Variants in HEATR5B observed in about 807,000 individuals in gnomAD.
The protein encoded by HEATR5B is HEAT repeat containing 5B, also known as HEAT repeat-containing protein 5B.
In HEATR5B, 156 loss-of-function variants were observed where a neutral mutation model predicts 224.1. That is an observed-to-expected ratio of 0.70 (90% CI 0.61 to 0.80). The LOEUF is 0.80. Among genes scored for constraint, HEATR5B ranks in the 30% least tolerant of loss-of-function variants. The pLI is 0.00. For missense variants in HEATR5B, 2,323 were observed against 2,535.5 expected, an observed-to-expected ratio of 0.92 and a Z score of 1.80; for synonymous variants, 1,027 against 893.0, an observed-to-expected ratio of 1.15 and a Z score of -2.68.
chr2:36,989,110 G>A (rs1005934818), intron 34 of HEATR5B, among the ~76,000 whole-genome samples: 1 of 151,734 alleles, frequency 6.6e-6, no homozygotes, highest in African/African-American at 2.4e-5. Context: ...TTTTTGAGAT[G>A]GAGTCTCGCT....
intron 33 of HEATR5B, among the ~76,000 whole-genome samples, chr2:36,998,264 G>T (rs889600787): frequency 6.6e-6 from 1 of 152,116 alleles, no homozygotes; most frequent in Non-Finnish European, 1.5e-5. Context: ...ACACAAAAAT[G>T]TAAGCATTTC....
chr2:37,005,793 C>A (rs1346584002), intron 29 of HEATR5B, 34 bp from the exon 30 acceptor site: 12 of 1,501,934 alleles, frequency 8.0e-6, no homozygotes, highest in African/African-American at 2.8e-5. Context: ...TGTTTTTTCA[C>A]TTATAAAACA....
At chr2:37,026,508 T>C (rs777337938) in intron 24 of HEATR5B, among the ~76,000 whole-genome samples, 1 of 152,174 alleles carries the variant, frequency 6.6e-6, no homozygotes, top group African/African-American at 2.4e-5. Flanking sequence ...TTATAGGAAA[T>C]GAATACCATG....
Position 37,061,947 on chromosome 2 carries a change from A to G in HEATR5B, c.1688T>C (p.Met563Thr), listed in dbSNP as rs147152129. 9 of 1,606,218 alleles carry G rather than the reference A, an allele frequency of 5.6e-6. No individual in the cohort carries two copies. The highest frequency in any genetic ancestry group is 4.0e-5 in the African/African-American group (3 of 74,752). Reference protein sequence around the residue: ...QAGWLLLGALMTLGPSVVRYH... With the variant: ...QAGWLLLGALTTLGPSVVRYH... Reference sequence around the variant, plus strand: ...CTCAAATATAATTATACCTAAAGTCATAAGTGCTCCAAGTAAAAGCCAGCC... The same window carrying G: ...CTCAAATATAATTATACCTAAAGTCGTAAGTGCTCCAAGTAAAAGCCAGCC... The change falls in exon 11 of 36, where the codon ATG becomes ACG. Residue 563 changes from methionine to threonine, a missense_variant. Met to Thr is a moderately conservative substitution (Grantham distance 81). Coordinates refer to ENST00000233099, the MANE Select transcript of HEATR5B (RefSeq NM_019024.3).
At position 37,007,299 on chromosome 2, in the gene HEATR5B, C is replaced by G. The variant is rs753228190; in HGVS notation, c.4528G>C (p.Ala1510Pro). 6.2e-7 allele frequency: 1 copy of G among 1,610,944 alleles called. No individual in the cohort carries two copies. Among genetic ancestry groups the G allele is most frequent in the Non-Finnish European group, 8.5e-7 (1 of 1,178,738 alleles). ...TCAATAGTTTCAGGGGTATAAAATG[C>G]TCCACCTGTAAAGCAATCAAATCAA... ...FSSQLPPDGG[A>P]FYTPETIDTA... The change falls in exon 29 of 36, where the codon GCA becomes CCA. Residue 1510 changes from alanine to proline, a missense_variant. Around this residue, in one of 12 missense-constraint regions of HEATR5B, gnomAD observed 844 missense variants for 812.9 expected, o/e 1.04. Transcript: ENST00000233099.
intron 34 of HEATR5B, among the ~76,000 whole-genome samples, chr2:36,989,237 C>T (rs1291504422): frequency 2.0e-5 from 3 of 152,140 alleles, no homozygotes; most frequent in Non-Finnish European, 4.4e-5. Flanking sequence ...AGGTGCGCAC[C>T]ACCACACCCA....
intron 33 of HEATR5B, among the ~76,000 whole-genome samples, 188 bp from the exon 34 acceptor site, chr2:36,990,987 G>A (rs1666289180): frequency 6.6e-6 from 1 of 152,016 alleles, no homozygotes; most frequent in Non-Finnish European, 1.5e-5. Context: ...ACTGTGCCTG[G>A]CCAGAATTTT....
chr2:37,014,763 G>A (rs1341304452), intron 26 of HEATR5B, among the ~76,000 whole-genome samples: 1 of 150,710 alleles, frequency 6.6e-6, no homozygotes, highest in Non-Finnish European at 1.5e-5. Context: ...CGGATCACGA[G>A]GTCAGGAGAT....
chr2:36,981,321 C>A lies in HEATR5B; in HGVS notation c.*169G>T. 8.7e-6 allele frequency: 4 copies of A among 457,938 alleles called. No homozygotes were observed. The highest frequency in any genetic ancestry group is 1.5e-5 in the Non-Finnish European group (4 of 264,328). 28.4% of individuals were successfully genotyped at this position (457,938 alleles called of 1,614,324 possible). ...CACCACATGATAAAAAAAATCACTC[C>A]TTAAAAATCAATAAGTGGTGTGAGC... On this transcript the variant is annotated 3_prime_UTR_variant, in exon 36 of 36. Transcript: ENST00000233099.
intron 31 of HEATR5B, among the ~76,000 whole-genome samples, 173 bp from the exon 32 acceptor site, chr2:37,002,745 C>A (rs983875565): frequency 2.0e-5 from 3 of 152,098 alleles, no homozygotes; most frequent in African/African-American, 7.2e-5. Context: ...TTGATCTGTC[C>A]TTAAAGGTAA....
At chr2:37,025,271 A>G (rs1668697556) in intron 24 of HEATR5B, among the ~76,000 whole-genome samples, 1 of 152,178 alleles carries the variant, frequency 6.6e-6, no homozygotes, top group African/African-American at 2.4e-5. Context: ...TGGGAAATAC[A>G]TGAACAACAG....
intron 5 of HEATR5B, 97 bp downstream of exon 5, chr2:37,075,388 C>A: frequency 3.3e-6 from 3 of 913,446 alleles, no homozygotes; most frequent in South Asian, 2.2e-5. Context: ...CATTGGAACA[C>A]AAAACATAAT....
At chr2:37,028,979 C>T (rs1389903976) in intron 22 of HEATR5B, 59 bp from the exon 23 acceptor site, 12 of 1,537,140 alleles carry the variant, frequency 7.8e-6, no homozygotes, top group Non-Finnish European at 1.1e-5. Flanking sequence ...CTATAGGTAA[C>T]AATTATGATA....
chr2:37,071,130 ACATCAT>A (rs57358811), intron 6 of HEATR5B, among the ~76,000 whole-genome samples: 53,256 of 151,066 alleles, frequency 0.35, 10,201 homozygotes, highest in African/African-American at 0.51. Flanking sequence ...TTAAAACATT[ACATCAT>A]CATCATCATC....
chr2:37,024,147 G>C (rs1668626637), intron 24 of HEATR5B, among the ~76,000 whole-genome samples: 1 of 152,162 alleles, frequency 6.6e-6, no homozygotes, highest in African/African-American at 2.4e-5. Flanking sequence ...AAATATGTCA[G>C]GCACAGAAAA....
intron 26 of HEATR5B, among the ~76,000 whole-genome samples, chr2:37,017,543 G>A (rs1448230025): frequency 6.6e-6 from 1 of 151,566 alleles, no homozygotes; most frequent in Admixed American, 6.6e-5. Flanking sequence ...AAAATTAGCT[G>A]GGCATGGTGA....
Position 37,077,268 on chromosome 2 carries a change from T to C in HEATR5B, c.339-249A>G, listed in dbSNP as rs188554365. Among the ~76,000 whole-genome samples, 306 of 152,290 alleles carry C rather than the reference T, an allele frequency of 2.0e-3. 2 individuals are homozygous for C. Among genetic ancestry groups the C allele is most frequent in the African/African-American group, 5.8e-3 (242 of 41,574 alleles). On this transcript the variant is annotated intron_variant, in intron 3 of 35. Coordinates refer to ENST00000233099, the MANE Select transcript of HEATR5B (RefSeq NM_019024.3). ...ATACAAAAGAATCTATATATGTACA[T>C]AATAAATCATACCCATTCTTTGGGA...
chr2:37,071,413 C>T (rs1671898157), intron 6 of HEATR5B, among the ~76,000 whole-genome samples: 1 of 152,040 alleles, frequency 6.6e-6, no homozygotes, highest in Non-Finnish European at 1.5e-5. Context: ...CTCAGTGCTG[C>T]CTCTGATTCT....
Position 37,072,283 on chromosome 2 carries a change from T to A in HEATR5B, c.598-2A>T, listed in dbSNP as rs1215482750. 3.1e-6 allele frequency: 5 copies of A among 1,595,712 alleles called. No homozygotes were observed. Among genetic ancestry groups the A allele is most frequent in the Non-Finnish European group, 4.3e-6 (5 of 1,168,194 alleles). ...TTCATTCTGTAGTTCTAGTAGACAC[T>A]GGAATTAAAAACAAAAAAGTAAATA... On this transcript the variant is annotated splice_acceptor_variant, in intron 5 of 35. Transcript: ENST00000233099. LOFTEE classifies it high-confidence loss of function.
Sources: gnomAD v4.1 joint callset for allele counts (sites outside exome capture counted in the v4.1 genomes callset) on GRCh38, gnomAD v4.1.1 for gene constraint, gnomAD v4.1.1 regional missense constraint, MANE v1.5 for transcripts, NCBI Gene and HGNC (gene_info 2026-07-23, HGNC 2026-07-21) for gene names.